NELL1: variants seen among roughly 807,000 people sequenced by gnomAD.
The protein encoded by NELL1 is neural EGFL like 1, also known as protein kinase C-binding protein NELL1.
A neutral mutation model predicts 107.4 loss-of-function variants in NELL1; 76 were observed. The observed-to-expected ratio is 0.71, with a 90% CI of 0.59 to 0.86. The LOEUF is 0.86. Ranked by LOEUF, NELL1 falls within the 40% of genes least tolerant of loss-of-function variation. The pLI is 0.00. For missense variants in NELL1, 1,024 were observed against 1,005.5 expected, an observed-to-expected ratio of 1.02 and a Z score of -0.25; for synonymous variants, 353 against 341.2, an observed-to-expected ratio of 1.03 and a Z score of -0.38.
chr11:20,791,730 G>GTTTTTTTTTTTTTTTTTTTTTTTT (rs368213562), intron 3 of NELL1, among the ~76,000 whole-genome samples: 2 of 79,494 alleles, frequency 2.5e-5, no homozygotes, highest in Non-Finnish European at 2.9e-5. Flanking sequence ...CAGTCTGGAG[G>GTTTTTTTTTTTTTTTTTTTTTTTT]TTTTTTTTTT....
intron 6 of NELL1, 36 bp downstream of exon 6, chr11:20,918,290 T>C (rs1206451362): frequency 4.8e-6 from 6 of 1,247,426 alleles, no homozygotes; most frequent in Admixed American, 3.4e-5. Context: ...ATATATTATA[T>C]AACTTGTTGA....
intron 5 of NELL1, among the ~76,000 whole-genome samples, chr11:20,901,543 T>C (rs1465670450): frequency 7.3e-6 from 1 of 136,906 alleles, no homozygotes; most frequent in Admixed American, 8.1e-5. Flanking sequence ...AATGAACTTG[T>C]AATCAGTTCC....
At chr11:20,755,564 T>A (rs1376856076) in intron 2 of NELL1, among the ~76,000 whole-genome samples, 2,196 of 91,978 alleles carry the variant, frequency 0.024, 20 homozygotes, top group Admixed American at 0.042. Context: ...TTGTTTTTGT[T>A]TTTTTTTTTT....
intron 13 of NELL1, among the ~76,000 whole-genome samples, chr11:21,145,868 C>A (rs918014958): frequency 6.6e-6 from 1 of 152,148 alleles, no homozygotes; most frequent in South Asian, 2.1e-4. Context: ...TCTTTCACAA[C>A]CTCAGGGGTC....
chr11:21,525,053 A>C (rs1164421878), intron 15 of NELL1, among the ~76,000 whole-genome samples: 1 of 152,200 alleles, frequency 6.6e-6, no homozygotes, highest in African/African-American at 2.4e-5. Flanking sequence ...GCTTAGAGAT[A>C]TAGATCAGAG....
At chr11:20,823,318 G>A (rs1212592109) in intron 3 of NELL1, among the ~76,000 whole-genome samples, 2 of 151,046 alleles carry the variant, frequency 1.3e-5, no homozygotes, top group Non-Finnish European at 3.0e-5. Flanking sequence ...ACCACCACTA[G>A]AACAGTATGG....
intron 15 of NELL1, among the ~76,000 whole-genome samples, chr11:21,411,088 A>C (rs1164703119): frequency 4.6e-5 from 7 of 152,048 alleles, no homozygotes; most frequent in African/African-American, 1.7e-4. Flanking sequence ...TCATAACCTC[A>C]AGGGAGATAT....
rs553564139 is a variant in NELL1, at chr11:20,958,132, A to G, written c.1172-2300A>G. 3.5e-4 allele frequency among the ~76,000 whole-genome samples: 53 copies of G among 152,234 alleles called. No homozygotes were observed. In the South Asian group the frequency reaches 8.3e-3, roughly 24 times the overall value. On this transcript the variant is annotated intron_variant, in intron 11 of 19. Coordinates refer to ENST00000357134, the MANE Select transcript of NELL1 (RefSeq NM_006157.5). ...AAAAATACAAAACAAACAAACCCCA[A>G]CAAGGCTGGGTGTGGTGGCTCATGC...
At chr11:21,307,675 G>A (rs74500127) in intron 14 of NELL1, among the ~76,000 whole-genome samples, 5,539 of 151,972 alleles carry the variant, frequency 0.036, 346 homozygotes, top group African/African-American at 0.13. Flanking sequence ...ACACAAACTG[G>A]TTCCATGGTC....
intron 12 of NELL1, among the ~76,000 whole-genome samples, chr11:21,088,651 A>G (rs2133684674): frequency 6.6e-6 from 1 of 152,204 alleles, no homozygotes; most frequent in Non-Finnish European, 1.5e-5. Context: ...ACTTTTTTTT[A>G]GCTGCGAAGT....
rs191693266 is a variant in NELL1 at position 21,276,452 on chromosome 11, C to T, written c.1549+46998C>T. Among the ~76,000 whole-genome samples the T allele has an allele frequency of 1.2e-3, 182 of 152,266 alleles. 1 individual carries two copies. The highest frequency in any genetic ancestry group is 2.1e-3 in the Admixed American group (32 of 15,290). On this transcript the variant is annotated intron_variant, in intron 14 of 19. Coordinates refer to ENST00000357134, the MANE Select transcript of NELL1 (RefSeq NM_006157.5). Reference sequence around the variant, plus strand: ...GCTCATTGGTAGGAAGAATCAATATCGTGAAAATGGCCATACTGCCCAAGG... The same window carrying T: ...GCTCATTGGTAGGAAGAATCAATATTGTGAAAATGGCCATACTGCCCAAGG...
intron 15 of NELL1, among the ~76,000 whole-genome samples, chr11:21,414,254 G>A (rs1201392078): frequency 3.9e-5 from 6 of 151,984 alleles, no homozygotes; most frequent in African/African-American, 1.4e-4. Flanking sequence ...GGTGGGTCAA[G>A]AAAGAAAGAA....
At chr11:20,812,777 G>A (rs936015520) in intron 3 of NELL1, among the ~76,000 whole-genome samples, 5 of 152,010 alleles carry the variant, frequency 3.3e-5, no homozygotes, top group African/African-American at 4.8e-5. Flanking sequence ...GGGAGGCCGA[G>A]GCGGGCGGAT....
Position 21,570,867 on chromosome 11 carries a change from T to C in NELL1, c.2084T>C (p.Leu695Ser). The stretch of plus-strand genomic sequence containing the variant: ...GACACCAGAGTCACAAGTCAATGTT[T>C]AGACCAAAATGGTCACAAGCTGTAT... ...ECDTRVTSQC[L>S]DQNGHKLYRS... The change falls in exon 18 of 20, where the codon TTA becomes TCA. Residue 695 changes from leucine to serine, a missense_variant. By Grantham distance (145) the Leu-to-Ser change is moderately radical. Transcript: ENST00000357134. 6.2e-7 allele frequency: 1 copy of C among 1,612,036 alleles called. No homozygotes were observed. The highest frequency in any genetic ancestry group is 1.1e-5 in the South Asian group (1 of 91,004).
At chr11:21,520,612 C>G (rs1855700701) in intron 15 of NELL1, among the ~76,000 whole-genome samples, 1 of 152,150 alleles carries the variant, frequency 6.6e-6, no homozygotes, top group Admixed American at 6.5e-5. Context: ...AGCCCCAACA[C>G]TTGTACATTT....
chr11:20,750,903 T>G (rs1856118256), intron 2 of NELL1, among the ~76,000 whole-genome samples: 1 of 152,128 alleles, frequency 6.6e-6, no homozygotes, highest in Non-Finnish European at 1.5e-5. Flanking sequence ...TTAATTTTTG[T>G]GTGTGATATA....
intron 15 of NELL1, among the ~76,000 whole-genome samples, chr11:21,522,399 A>G (rs1386478724): frequency 6.6e-6 from 1 of 152,218 alleles, no homozygotes; most frequent in African/African-American, 2.4e-5. Flanking sequence ...AAATGAAGTC[A>G]TATCTTTTGC....
chr11:21,501,512 A>C (rs1282180146), intron 15 of NELL1, among the ~76,000 whole-genome samples: 1 of 151,474 alleles, frequency 6.6e-6, no homozygotes, highest in Non-Finnish European at 1.5e-5. Flanking sequence ...TGTCCTATGC[A>C]GTGAGTCAAA....
At chr11:20,951,174 ATGACATTATTTTCAGCACT>A in intron 11 of NELL1, among the ~76,000 whole-genome samples, 5 of 152,356 alleles carry the variant, frequency 3.3e-5, no homozygotes, top group Admixed American at 3.3e-4. Context: ...TAATGAATGA[ATGACATTATTTTCAGCACT>A]AGCTGATAGG....
Sources: gnomAD v4.1 joint callset for allele counts (sites outside exome capture counted in the v4.1 genomes callset) on GRCh38, gnomAD v4.1.1 for gene constraint, MANE v1.5 for transcripts, NCBI Gene and HGNC (gene_info 2026-07-23, HGNC 2026-07-21) for gene names.